REDIC1: variants seen among roughly 807,000 people sequenced by gnomAD.
REDIC1 encodes the protein HEI10 Interacting Protein 1.
chr12:39,676,252 A>C, the REDIC1 span, among the ~76,000 whole-genome samples: 1 of 152,168 alleles, frequency 6.6e-6, no homozygotes. Flanking sequence ...GTCATAAAGA[A>C]AAGACAATCA....
At chr12:39,824,170 T>C in the REDIC1 span, among the ~76,000 whole-genome samples, 2 of 152,200 alleles carry the variant, frequency 1.3e-5, no homozygotes, top group African/African-American at 4.8e-5. Flanking sequence ...GGCTATCATA[T>C]AAAAAATATA....
chr12:39,796,052 C>G, the REDIC1 span, among the ~76,000 whole-genome samples: 1 of 152,142 alleles, frequency 6.6e-6, no homozygotes, highest in Non-Finnish European at 1.5e-5. Flanking sequence ...TCTTCTCCCC[C>G]CAGCCTCTGG....
chr12:39,729,627 T>C, the REDIC1 span, among the ~76,000 whole-genome samples: 1 of 152,214 alleles, frequency 6.6e-6, no homozygotes, highest in Non-Finnish European at 1.5e-5. Context: ...GAGAAGAATG[T>C]ATATTCTGTT....
At chr12:39,712,051 T>A in the REDIC1 span, among the ~76,000 whole-genome samples, 2 of 143,180 alleles carry the variant, frequency 1.4e-5, no homozygotes, top group East Asian at 2.2e-4. Flanking sequence ...CCTACCTGTA[T>A]GTATATATAC....
the REDIC1 span, chr12:39,626,317 G>T: frequency 6.8e-5 from 109 of 1,614,076 alleles, 1 homozygote; most frequent in South Asian, 6.8e-4. Flanking sequence ...AGGGACCTCA[G>T]TGTCAAAAGA....
At chr12:39,705,260 C>T in the REDIC1 span, among the ~76,000 whole-genome samples, 1 of 151,776 alleles carries the variant, frequency 6.6e-6, no homozygotes, top group Non-Finnish European at 1.5e-5. Context: ...AAGATTGAAC[C>T]ATGAAGAAAT....
the REDIC1 span, among the ~76,000 whole-genome samples, chr12:39,713,077 A>C: frequency 1.4e-5 from 2 of 147,270 alleles, no homozygotes; most frequent in African/African-American, 5.0e-5. Context: ...ATACACGTGC[A>C]TACGTGTATG....
the REDIC1 span, among the ~76,000 whole-genome samples, chr12:39,627,490 C>T: frequency 6.6e-6 from 1 of 152,118 alleles, no homozygotes; most frequent in Non-Finnish European, 1.5e-5. Context: ...TCATATATCA[C>T]AAACTTTTAT....
chr12:39,671,960 G>A, the REDIC1 span, among the ~76,000 whole-genome samples: 2 of 152,154 alleles, frequency 1.3e-5, no homozygotes, highest in Non-Finnish European at 2.9e-5. Flanking sequence ...GTATGCTTGG[G>A]CAGTGGGGGC....
chr12:39,733,208 A>T, the REDIC1 span, among the ~76,000 whole-genome samples: 4 of 152,348 alleles, frequency 2.6e-5, no homozygotes, highest in East Asian at 7.7e-4. Context: ...TTTATAAAAA[A>T]GTTGCCAATG....
the REDIC1 span, among the ~76,000 whole-genome samples, chr12:39,741,369 A>T: frequency 6.6e-6 from 1 of 152,214 alleles, no homozygotes; most frequent in East Asian, 1.9e-4. Flanking sequence ...GACTTCAACC[A>T]ACCTGAGCAT....
the REDIC1 span, among the ~76,000 whole-genome samples, chr12:39,810,448 T>C: frequency 6.6e-6 from 1 of 152,314 alleles, no homozygotes; most frequent in South Asian, 2.1e-4. Context: ...AAATAGAGTA[T>C]ATATTCCTTT....
At chr12:39,803,552 A>G in the REDIC1 span, among the ~76,000 whole-genome samples, 1 of 152,226 alleles carries the variant, frequency 6.6e-6, no homozygotes, top group African/African-American at 2.4e-5. Context: ...AAAAATACAT[A>G]TATACATACA....
chr12:39,735,231 A>G, the REDIC1 span, among the ~76,000 whole-genome samples: 1 of 152,322 alleles, frequency 6.6e-6, no homozygotes, highest in East Asian at 1.9e-4. Context: ...TGAAGGTCTA[A>G]GGGCCTTGAA....
chr12:39,843,345 T>A, the REDIC1 span, among the ~76,000 whole-genome samples: 1 of 152,024 alleles, frequency 6.6e-6, no homozygotes, highest in African/African-American at 2.4e-5. Flanking sequence ...AAGGAGAAGA[T>A]GTTTTCTAAG....
chr12:39,743,178 C>T, the REDIC1 span, among the ~76,000 whole-genome samples: 1 of 152,166 alleles, frequency 6.6e-6, no homozygotes, highest in Non-Finnish European at 1.5e-5. Flanking sequence ...TGTTTTATCA[C>T]AGCCTAACTT....
At chr12:39,771,959 T>C in the REDIC1 span, among the ~76,000 whole-genome samples, 1 of 152,158 alleles carries the variant, frequency 6.6e-6, no homozygotes, top group Non-Finnish European at 1.5e-5. Flanking sequence ...AAACTCTTAC[T>C]CTTGATATCT....
At chr12:39,633,997 A>C in the REDIC1 span, among the ~76,000 whole-genome samples, 1 of 152,200 alleles carries the variant, frequency 6.6e-6, no homozygotes, top group Non-Finnish European at 1.5e-5. Flanking sequence ...GGGGGATAGC[A>C]CTGAATGTAT....
At chr12:39,889,758 T>TGC in the REDIC1 span, among the ~76,000 whole-genome samples, 1 of 152,016 alleles carries the variant, frequency 6.6e-6, no homozygotes, top group African/African-American at 2.4e-5. Flanking sequence ...TCTTGATTTC[T>TGC]TGACCTCGTG....
Sources: allele counts gnomAD v4.1 joint callset (sites outside exome capture counted in the v4.1 genomes callset), GRCh38; gene constraint gnomAD v4.1.1; transcripts MANE v1.5; gene names NCBI Gene and HGNC (gene_info 2026-07-23, HGNC 2026-07-21).